SH3RF3: variants seen among roughly 807,000 people sequenced by gnomAD.
SH3RF3 encodes E3 ubiquitin-protein ligase SH3RF3.
Under a neutral mutation model 66.3 loss-of-function variants are expected in SH3RF3, and 29 were observed. The observed-to-expected ratio is 0.44, with a 90% CI of 0.33 to 0.60. The LOEUF (loss-of-function observed/expected upper bound fraction) is 0.60. Ranked by LOEUF, SH3RF3 falls within the 20% of genes least tolerant of loss-of-function variation. The pLI, the probability that SH3RF3 is intolerant of heterozygous loss-of-function variation, is 0.04. For missense variants in SH3RF3, 1,194 were observed against 1,190.9 expected (o/e 1.00, Z -0.04); for synonymous variants, 583 against 532.0 (o/e 1.10, Z -1.32).
chr2:109,419,674 G>T, intron 5 of SH3RF3, 32 bp downstream of exon 5: 1 of 1,544,152 alleles, frequency 6.5e-7, no homozygotes, highest in Non-Finnish European at 8.7e-7. Context: ...TCGGGGTCCT[G>T]TGCCTGCAGC....
At chr2:109,195,230 G>T (rs1486385922) in intron 1 of SH3RF3, among the ~76,000 whole-genome samples, 1 of 137,648 alleles carries the variant, frequency 7.3e-6, no homozygotes, top group Non-Finnish European at 1.6e-5. Flanking sequence ...CTAGGACTAG[G>T]ACTGCCTACA....
rs371298309 is a variant in SH3RF3 at position 109,436,936 on chromosome 2, G to A, written c.1618G>A (p.Gly540Arg). ...AGGGCCGCCCCGGAATAATGTAGTCGGAGGGTCTCCACTGGCCAAAGGGAT... is the reference window on the plus strand; with the variant it reads ...AGGGCCGCCCCGGAATAATGTAGTCAGAGGGTCTCCACTGGCCAAAGGGAT... ...GAGPPRNNVV[G>R]GSPLAKGITT... Residue 540 changes from glycine (G) to arginine (R), a missense_variant, in exon 7 of 10, where the codon GGA becomes AGA. By Grantham distance (125) the Gly-to-Arg change is moderately radical. Transcript: ENST00000309415. 40 of 1,613,612 alleles carry A rather than the reference G, an allele frequency of 2.5e-5. No individual in the cohort carries two copies. In the Admixed American group the frequency reaches 4.0e-4, roughly 16 times the overall value.
intron 3 of SH3RF3, among the ~76,000 whole-genome samples, chr2:109,374,517 G>A (rs1683340082): frequency 6.6e-6 from 1 of 152,164 alleles, no homozygotes; most frequent in South Asian, 2.1e-4. Context: ...TTTGAGGTGG[G>A]AACTTGGGTG....
chr2:109,149,331 G>A lies in SH3RF3; in HGVS notation c.573+19218G>A, dbSNP rs112554558. On this transcript the variant is annotated intron_variant, in intron 1 of 9. Coordinates refer to ENST00000309415, the MANE Select transcript of SH3RF3 (RefSeq NM_001099289.3). ...GAGAAGTCTCTTTGGCTTGACTTGA[G>A]CTCCTCTACTCCATTTAATCAAGAG... 3.3e-5 allele frequency among the ~76,000 whole-genome samples: 5 copies of A among 152,310 alleles called. No individual in the cohort carries two copies. The East Asian group carries it at 9.6e-4, about 29-fold the overall frequency.
chr2:109,129,892 C>T lies in SH3RF3; in HGVS notation c.352C>T (p.Leu118=). Reference sequence around the variant, plus strand: ...CGCCAACATCTTGCTGGTGCGACTGCTGGACGGCATCCGTCAGCGGCCCCG... The same window carrying T: ...CGCCAACATCTTGCTGGTGCGACTGTTGGACGGCATCCGTCAGCGGCCCCG... ...LPANILLVRL[L]DGIRQRPRAG... is the part of the protein sequence containing the mutation. The change falls in exon 1 of 10, where the codon CTG becomes TTG. Residue 118 remains leucine, a synonymous_variant. Transcript: ENST00000309415. 6.6e-7 allele frequency: 1 copy of T among 1,515,328 alleles called. No homozygotes were observed. Among genetic ancestry groups the T allele is most frequent in the Non-Finnish European group, 8.8e-7 (1 of 1,137,346 alleles). The allele number at this position is 1,515,328 out of a possible 1,614,324, so 93.9% of individuals were successfully genotyped here.
intron 1 of SH3RF3, among the ~76,000 whole-genome samples, chr2:109,283,616 C>T (rs977970400): frequency 6.6e-6 from 1 of 152,148 alleles, no homozygotes; most frequent in South Asian, 2.1e-4. Flanking sequence ...TGAGGGAGAG[C>T]GCTGCAGGGA....
At chr2:109,156,262 A>G (rs953753375) in intron 1 of SH3RF3, among the ~76,000 whole-genome samples, 19 of 152,168 alleles carry the variant, frequency 1.2e-4, no homozygotes, top group African/African-American at 4.6e-4. Context: ...ACACAGTCCA[A>G]CCACCAGAGA....
At chr2:109,177,270 C>G (rs1317764897) in intron 1 of SH3RF3, among the ~76,000 whole-genome samples, 1 of 152,144 alleles carries the variant, frequency 6.6e-6, no homozygotes, top group African/African-American at 2.4e-5. Flanking sequence ...AATGCCAGGC[C>G]TGGGGCTGGT....
Position 109,347,785 on chromosome 2 carries a change from GA to G in SH3RF3, c.687del (p.Glu229AspfsTer41). ...DIIVLRRKVDEQWYHGELHGT... is the reference protein window; with the variant it reads ...DIIVLRRKVDXQWYHGELHGT... The stretch of plus-strand genomic sequence containing the variant: ...CATCGTCCTGCGGCGCAAGGTGGAT[GA>G]ACAGTGGTACCACGGCGAGCTGCAC... On this transcript the variant is annotated frameshift_variant, in exon 2 of 10. Transcript: ENST00000309415. LOFTEE classifies it high-confidence loss of function. The G allele has an allele frequency of 6.2e-7, 1 of 1,613,996 alleles. No homozygotes were observed. The highest frequency in any genetic ancestry group is 8.5e-7 in the Non-Finnish European group (1 of 1,179,878).
chr2:109,185,623 A>G (rs1678167066), intron 1 of SH3RF3, among the ~76,000 whole-genome samples: 2 of 152,094 alleles, frequency 1.3e-5, no homozygotes, highest in Admixed American at 1.3e-4. Context: ...AGCCGGAGCC[A>G]AGTCCCTGGA....
At chr2:109,238,036 T>C (rs1368164739) in intron 1 of SH3RF3, among the ~76,000 whole-genome samples, 4 of 152,114 alleles carry the variant, frequency 2.6e-5, no homozygotes, top group African/African-American at 9.7e-5. Flanking sequence ...TGAGGCCCCA[T>C]CTCTACAAAA....
intron 9 of SH3RF3, among the ~76,000 whole-genome samples, chr2:109,496,673 G>A (rs1016084378): frequency 2.6e-5 from 4 of 152,168 alleles, no homozygotes; most frequent in East Asian, 1.9e-4. Context: ...GGATTTCAGC[G>A]TTCCTTGATC....
intron 1 of SH3RF3, among the ~76,000 whole-genome samples, chr2:109,269,185 A>T (rs574494066): frequency 1.3e-5 from 2 of 152,284 alleles, no homozygotes; most frequent in Admixed American, 1.3e-4. Flanking sequence ...ACAGGCTGAG[A>T]TTCCTCTCCA....
At chr2:109,228,605 G>A (rs185325813) in intron 1 of SH3RF3, among the ~76,000 whole-genome samples, 38 of 152,246 alleles carry the variant, frequency 2.5e-4, no homozygotes, top group Non-Finnish European at 4.0e-4. Flanking sequence ...GAGGCCAGTT[G>A]CAAGAGGTGT....
At chr2:109,455,950 G>A (rs1270711157) in intron 8 of SH3RF3, among the ~76,000 whole-genome samples, 1 of 152,226 alleles carries the variant, frequency 6.6e-6, no homozygotes, top group African/African-American at 2.4e-5. Flanking sequence ...ACCTCACCCA[G>A]AACTGATTCA....
intron 1 of SH3RF3, among the ~76,000 whole-genome samples, chr2:109,211,450 G>C (rs1678973529): frequency 6.6e-6 from 1 of 152,240 alleles, no homozygotes; most frequent in Non-Finnish European, 1.5e-5. Flanking sequence ...GGAAGGAGTA[G>C]GGGCCGTGTC....
rs536667451 is a variant in SH3RF3, at chr2:109,266,444, C to T, written c.574-81230C>T. On this transcript the variant is annotated intron_variant, in intron 1 of 9. Transcript: ENST00000309415. ...CGCAGGAACAAGTCTGAGGACTTGACAAGGGACACCTATGTTTGGGAGTGG... is the reference window on the plus strand; with the variant it reads ...CGCAGGAACAAGTCTGAGGACTTGATAAGGGACACCTATGTTTGGGAGTGG... 3.3e-5 allele frequency among the ~76,000 whole-genome samples: 5 copies of T among 152,312 alleles called. No individual in the cohort carries two copies. The South Asian group carries it at 1.0e-3, about 32-fold the overall frequency.
At chr2:109,388,966 G>A (rs906850281) in intron 3 of SH3RF3, among the ~76,000 whole-genome samples, 2 of 152,164 alleles carry the variant, frequency 1.3e-5, no homozygotes, top group Non-Finnish European at 2.9e-5. Context: ...CAGCCACCAC[G>A]ATAGTCTGGC....
chr2:109,474,226 T>G (rs891254140), intron 8 of SH3RF3, among the ~76,000 whole-genome samples: 1 of 151,838 alleles, frequency 6.6e-6, no homozygotes, highest in Middle Eastern at 3.2e-3. Flanking sequence ...TCTAGGGAGG[T>G]GGGTGTGGGC....
Sources: gnomAD v4.1 joint callset for allele counts (sites outside exome capture counted in the v4.1 genomes callset) on GRCh38, gnomAD v4.1.1 for gene constraint, MANE v1.5 for transcripts, NCBI Gene and HGNC (gene_info 2026-07-23, HGNC 2026-07-21) for gene names.